The following ADK variants were observed in gnomAD, a reference collection of about 807,000 sequenced individuals.
ADK encodes N6,N6-dimethyladenosine kinase.
Under a neutral mutation model 44.7 loss-of-function variants are expected in ADK, and 24 were observed. The ratio of observed to expected loss-of-function variants is 0.54; its 90% CI spans 0.39 to 0.76. The LOEUF is 0.76. Ranked by LOEUF, ADK falls within the 30% of genes least tolerant of loss-of-function variation. ADK has a pLI of 0.00. For synonymous variants in ADK, 128 were observed against 142.6 expected (o/e 0.90, Z 0.73); for missense variants, 321 against 425.1 (o/e 0.76, Z 2.15).
intron 4 of ADK, among the ~76,000 whole-genome samples, chr10:74,352,573 TG>T (rs1415511305): frequency 1.3e-5 from 2 of 152,128 alleles, no homozygotes; most frequent in Non-Finnish European, 2.9e-5. Context: ...AATTGACAAA[TG>T]GGATCTAATT....
At chr10:74,352,805 A>G (rs1336536688) in intron 4 of ADK, among the ~76,000 whole-genome samples, 1 of 152,242 alleles carries the variant, frequency 6.6e-6, no homozygotes, top group Non-Finnish European at 1.5e-5. Context: ...ACCAACAAAC[A>G]TGAAAAATTG....
intron 3 of ADK, among the ~76,000 whole-genome samples, chr10:74,297,540 T>C (rs1839861171): frequency 6.6e-6 from 1 of 152,222 alleles, no homozygotes; most frequent in Non-Finnish European, 1.5e-5. Flanking sequence ...TAATACTCAT[T>C]AATTTATTCA....
chr10:74,365,843 A>T (rs1302993655), intron 4 of ADK, among the ~76,000 whole-genome samples: 2 of 152,218 alleles, frequency 1.3e-5, no homozygotes, highest in Admixed American at 1.3e-4. Flanking sequence ...TGAGGGTTCC[A>T]GTTTGTGTAC....
chr10:74,408,009 T>C (rs1844013003), intron 6 of ADK, among the ~76,000 whole-genome samples: 1 of 152,064 alleles, frequency 6.6e-6, no homozygotes, highest in Non-Finnish European at 1.5e-5. Context: ...AATTTGAGTC[T>C]CAGTCTGTTG....
intron 8 of ADK, among the ~76,000 whole-genome samples, chr10:74,598,441 C>CTTTTT (rs915433699): frequency 2.7e-5 from 3 of 111,786 alleles, no homozygotes; most frequent in Admixed American, 9.0e-5. Context: ...AATCTTATTC[C>CTTTTT]TTTTTTTTTT....
intron 4 of ADK, among the ~76,000 whole-genome samples, chr10:74,323,175 TTTTA>T (rs1564653368): frequency 1.3e-5 from 2 of 152,190 alleles, no homozygotes; most frequent in Non-Finnish European, 2.9e-5. Context: ...CTCTATTCCT[TTTTA>T]TTCTATTTTG....
intron 7 of ADK, among the ~76,000 whole-genome samples, chr10:74,526,368 C>T (rs1315603891): frequency 2.0e-5 from 3 of 151,982 alleles, no homozygotes; most frequent in African/African-American, 7.2e-5. Flanking sequence ...GTTTATACCT[C>T]TTATTTACTG....
intron 9 of ADK, among the ~76,000 whole-genome samples, chr10:74,616,165 C>T (rs926017199): frequency 3.3e-5 from 5 of 152,114 alleles, no homozygotes; most frequent in African/African-American, 1.2e-4. Context: ...TACTCTGTGG[C>T]TTGCCTTTTC....
At chr10:74,485,813 T>C (rs2133371442) in intron 6 of ADK, among the ~76,000 whole-genome samples, 1 of 152,340 alleles carries the variant, frequency 6.6e-6, no homozygotes, top group African/African-American at 2.4e-5. Flanking sequence ...AAGATGTTTA[T>C]TTATTAGAAG....
At chr10:74,574,848 T>G (rs189875839) in intron 7 of ADK, among the ~76,000 whole-genome samples, 1 of 152,210 alleles carries the variant, frequency 6.6e-6, no homozygotes, top group African/African-American at 2.4e-5. Context: ...TTTTTTACCT[T>G]TGTAAGCAAA....
At chr10:74,328,158 C>T (rs987817052) in intron 4 of ADK, among the ~76,000 whole-genome samples, 24 of 152,180 alleles carry the variant, frequency 1.6e-4, no homozygotes, top group African/African-American at 5.6e-4. Flanking sequence ...ATCTGCCTGC[C>T]TCGGCCTCCC....
At chr10:74,494,081 T>G (rs900328543) in intron 6 of ADK, among the ~76,000 whole-genome samples, 3 of 152,302 alleles carry the variant, frequency 2.0e-5, no homozygotes, top group Non-Finnish European at 2.9e-5. Context: ...TATGGTCATT[T>G]TAATTCTTTA....
intron 6 of ADK, among the ~76,000 whole-genome samples, chr10:74,435,377 C>T (rs1845147768): frequency 6.6e-6 from 1 of 152,142 alleles, no homozygotes; most frequent in Non-Finnish European, 1.5e-5. Flanking sequence ...TCCGCCTTTA[C>T]ATTTAAGAAA....
intron 7 of ADK, among the ~76,000 whole-genome samples, chr10:74,541,792 A>C (rs930661016): frequency 0.036 from 1,013 of 28,432 alleles, no homozygotes; most frequent in African/African-American, 0.038. Context: ...GAACCCCCAC[A>C]CACCCCCCCC....
chr10:74,484,041 C>G (rs73272228), intron 6 of ADK, among the ~76,000 whole-genome samples: 5,562 of 152,262 alleles, frequency 0.037, 310 homozygotes, highest in African/African-American at 0.11. Flanking sequence ...ATCTTTATAG[C>G]CATGCCCCAG....
intron 3 of ADK, among the ~76,000 whole-genome samples, chr10:74,267,757 TG>T (rs1846268125): frequency 1.5e-4 from 19 of 127,234 alleles, no homozygotes; most frequent in Middle Eastern, 8.2e-3. Flanking sequence ...TCCTTATTTG[TG>T]TGTGTGTGTG....
intron 2 of ADK, among the ~76,000 whole-genome samples, chr10:74,205,267 T>A (rs1843550972): frequency 6.6e-6 from 1 of 152,178 alleles, no homozygotes. Context: ...TTCCCAACTT[T>A]GAATACAAAT....
At chr10:74,268,942 TATC>T (rs1846319349) in intron 3 of ADK, among the ~76,000 whole-genome samples, 1 of 152,222 alleles carries the variant, frequency 6.6e-6, no homozygotes, top group South Asian at 2.1e-4. Context: ...GGGGAAATAA[TATC>T]AACTGCTTCA....
intron 9 of ADK, among the ~76,000 whole-genome samples, chr10:74,633,986 C>T (rs1308345134): frequency 6.6e-6 from 1 of 152,198 alleles, no homozygotes; most frequent in African/African-American, 2.4e-5. Flanking sequence ...CAGACCTTAT[C>T]CAAATCTCTG....
Sources: gnomAD v4.1 joint callset for allele counts (sites outside exome capture counted in the v4.1 genomes callset) on GRCh38, gnomAD v4.1.1 for gene constraint, MANE v1.5 for transcripts, NCBI Gene and HGNC (gene_info 2026-07-23, HGNC 2026-07-21) for gene names.